The following CAMSAP2 variants were observed in gnomAD, a reference collection of about 807,000 sequenced individuals.
CAMSAP2 encodes calmodulin-regulated spectrin-associated protein 2.
In CAMSAP2, 26 loss-of-function variants were observed where a neutral mutation model predicts 146.1. That is an observed-to-expected ratio of 0.18 (90% CI 0.13 to 0.25). The LOEUF (loss-of-function observed/expected upper bound fraction) is 0.25. CAMSAP2 is among the 10% of genes least tolerant of loss of function. The pLI, the probability that CAMSAP2 is intolerant of heterozygous loss-of-function variation, is 1.00. For synonymous variants in CAMSAP2, 499 were observed against 596.6 expected (o/e 0.84, Z 2.38); for missense variants, 1,381 against 1,759.3 (o/e 0.78, Z 3.85).
In CAMSAP2 at chr1:200,849,417, C is replaced by A; in HGVS notation, c.2648C>A (p.Ser883Tyr). The change falls in exon 11 of 17, where the codon TCC becomes TAC. Residue 883 changes from serine (S) to tyrosine (Y), a missense_variant. This residue lies in a region of CAMSAP2 where 560 missense variants were observed against 715.9 expected (regional missense o/e 0.78). Coordinates refer to ENST00000358823, the MANE Select transcript of CAMSAP2 (RefSeq NM_203459.4). This position sits in a 1 kb window ranked among gnomAD's most constrained non-coding sequence, Gnocchi z 6.3. The part of the protein sequence containing the change: ...NEGEILEYTK[S>Y]IEKLNSSLHF... ...GGAGAGATTTTAGAATATACCAAAT[C>A]CATTGAAAAGTTAAATTCATCCCTG... 6.2e-7 allele frequency: 1 copy of A among 1,614,186 alleles called. No individual in the cohort carries two copies. Among genetic ancestry groups the A allele is most frequent in the Middle Eastern group, 1.6e-4 (1 of 6,062 alleles).
chr1:200,753,626 CAA>C (rs1238877788), intron 1 of CAMSAP2, among the ~76,000 whole-genome samples: 1 of 152,208 alleles, frequency 6.6e-6, no homozygotes, highest in African/African-American at 2.4e-5. Context: ...TGCCCTCAAA[CAA>C]GAGCTGATGG....
intron 6 of CAMSAP2, among the ~76,000 whole-genome samples, chr1:200,840,092 T>G (rs1163031380): frequency 1.3e-5 from 2 of 152,132 alleles, no homozygotes; most frequent in African/African-American, 4.8e-5. Flanking sequence ...GTGCATTATC[T>G]TCTGTAATAC....
At chr1:200,818,327 CATT>C (rs1386818984) in intron 4 of CAMSAP2, among the ~76,000 whole-genome samples, 1 of 152,066 alleles carries the variant, frequency 6.6e-6, no homozygotes, top group Non-Finnish European at 1.5e-5. Flanking sequence ...GGAATCTAGA[CATT>C]GTTGTATTAC....
chr1:200,764,587 T>C (rs1037863356), intron 2 of CAMSAP2, among the ~76,000 whole-genome samples: 1 of 152,242 alleles, frequency 6.6e-6, no homozygotes, highest in African/African-American at 2.4e-5. Flanking sequence ...ATAGAAATTA[T>C]CATTATCTGA....
At chr1:200,750,818 G>A (rs564958535) in intron 1 of CAMSAP2, among the ~76,000 whole-genome samples, 4 of 151,222 alleles carry the variant, frequency 2.6e-5, no homozygotes, top group South Asian at 2.1e-4. Context: ...GGTAGAGACC[G>A]GGTTTCATGA....
intron 8 of CAMSAP2, among the ~76,000 whole-genome samples, 200 bp downstream of exon 8, chr1:200,845,069 C>T (rs777488538): frequency 2.6e-5 from 4 of 152,106 alleles, no homozygotes; most frequent in Non-Finnish European, 4.4e-5. Flanking sequence ...ATGTACCACA[C>T]TGAAAAGATG....
rs1055575546 is a variant in CAMSAP2 at position 200,857,520 on chromosome 1, C to T, written c.4131+96C>T. On this transcript the variant is annotated intron_variant, in intron 16 of 16. Coordinates refer to ENST00000358823, the MANE Select transcript of CAMSAP2 (RefSeq NM_203459.4). The surrounding 1 kb of genome is among the most constrained non-coding windows in gnomAD (Gnocchi z 4.7). Reference sequence around the variant, plus strand: ...TCTCATGGGCCTAGACTTTCAACAGCATGTAAAAAGATCTGTAGCTAGATG... The same window carrying T: ...TCTCATGGGCCTAGACTTTCAACAGTATGTAAAAAGATCTGTAGCTAGATG... The T allele has an allele frequency of 2.3e-5, 20 of 887,656 alleles. No individual in the cohort carries two copies. The highest frequency in any genetic ancestry group is 3.6e-5 in the Non-Finnish European group (20 of 557,552). 55.0% of individuals were successfully genotyped at this position (887,656 alleles called of 1,614,324 possible).
In CAMSAP2 at chr1:200,836,813, G is replaced by A. The variant is rs141541222; in HGVS notation, c.927+3968G>A. ...CCGGTGTGAGATGGTATCTCATTGT[G>A]GTTTTGATTTGCATTTCTCTAATGA... On this transcript the variant is annotated intron_variant, in intron 6 of 16. Coordinates refer to ENST00000358823, the MANE Select transcript of CAMSAP2 (RefSeq NM_203459.4). Among the ~76,000 whole-genome samples the A allele has an allele frequency of 7.4e-3, 1,133 of 152,084 alleles. 12 individuals are homozygous for A. Among genetic ancestry groups the A allele is most frequent in the Middle Eastern group, 0.044 (13 of 294 alleles).
At position 200,739,327 on chromosome 1, in the gene CAMSAP2, C is replaced by T. The variant is rs1181743652; in HGVS notation, c.-501C>T. On this transcript the variant is annotated 5_prime_UTR_variant, in exon 1 of 17. Transcript: ENST00000358823. This position sits in a 1 kb window ranked among gnomAD's most constrained non-coding sequence, Gnocchi z 4.8. Reference sequence around the variant, plus strand: ...CGCCCACCCGGGGCCTGAGGGGTCTCCCCGCTCCGAGGGAAGGGGAGAGGG... The same window carrying T: ...CGCCCACCCGGGGCCTGAGGGGTCTTCCCGCTCCGAGGGAAGGGGAGAGGG... Among the ~76,000 whole-genome samples the T allele has an allele frequency of 6.6e-6, 1 of 152,166 alleles. No individual in the cohort carries two copies. The highest frequency in any genetic ancestry group is 1.5e-5 in the Non-Finnish European group (1 of 68,000).
intron 2 of CAMSAP2, among the ~76,000 whole-genome samples, chr1:200,775,445 T>C (rs1433558732): frequency 6.6e-6 from 1 of 152,186 alleles, no homozygotes; most frequent in African/African-American, 2.4e-5. Context: ...TGATCTGGTT[T>C]ATTTTTTTTT....
At chr1:200,785,609 C>T (rs534015547) in intron 2 of CAMSAP2, among the ~76,000 whole-genome samples, 4 of 152,228 alleles carry the variant, frequency 2.6e-5, no homozygotes, top group Admixed American at 6.5e-5. Context: ...AGGCCGGTCT[C>T]GAACTCGTGA....
At chr1:200,755,324 GA>G (rs1395455868) in intron 1 of CAMSAP2, among the ~76,000 whole-genome samples, 1 of 152,202 alleles carries the variant, frequency 6.6e-6, no homozygotes, top group Non-Finnish European at 1.5e-5. Flanking sequence ...ATATATATCT[GA>G]AGCATCATGT....
intron 3 of CAMSAP2, among the ~76,000 whole-genome samples, chr1:200,811,950 G>T (rs1012324033): frequency 2.6e-5 from 4 of 152,002 alleles, no homozygotes; most frequent in Admixed American, 6.6e-5. Context: ...TTCCTGGGCA[G>T]CTCAGCTCCC....
chr1:200,800,147 G>T (rs888926305), intron 2 of CAMSAP2, among the ~76,000 whole-genome samples: 7 of 152,202 alleles, frequency 4.6e-5, no homozygotes, highest in African/African-American at 1.7e-4. Flanking sequence ...GTATTCTGTT[G>T]ATTTGGGATG....
intron 4 of CAMSAP2, among the ~76,000 whole-genome samples, chr1:200,816,846 A>G (rs1321478539): frequency 3.3e-5 from 2 of 61,446 alleles, no homozygotes; most frequent in Non-Finnish European, 6.5e-5. Flanking sequence ...GTATGTGTGT[A>G]CACACACACG....
At chr1:200,799,364 G>C (rs899717320) in intron 2 of CAMSAP2, among the ~76,000 whole-genome samples, 1 of 151,976 alleles carries the variant, frequency 6.6e-6, no homozygotes, top group African/African-American at 2.4e-5. Context: ...TTATTGGTCT[G>C]TTCAGGGATT....
rs71281172 is a variant in CAMSAP2, at chr1:200,836,081, C to CTT, written c.927+3246_927+3247dup. ...ACCACAGCTTTGACTTCATTTGAAT[C>CTT]TTTTTTTTTTTAATTCAATCTTATT... On this transcript the variant is annotated intron_variant, in intron 6 of 16. Coordinates refer to ENST00000358823, the MANE Select transcript of CAMSAP2 (RefSeq NM_203459.4). Among the ~76,000 whole-genome samples, 141 of 134,936 alleles carry CTT rather than the reference C, an allele frequency of 1.0e-3. 1 individual carries two copies. The highest frequency in any genetic ancestry group is 3.9e-3 in the African/African-American group (138 of 35,254). The allele number at this position is 134,936 out of a possible 152,430, so 88.5% of individuals were successfully genotyped here. A position where few individuals can be genotyped will look rare whatever the true frequency, so the allele number is the denominator to read the frequency against.
In CAMSAP2 at chr1:200,852,674, C is replaced by G. The variant is rs1667651378; in HGVS notation, c.3599C>G (p.Thr1200Arg). 6.2e-7 allele frequency: 1 copy of G among 1,611,802 alleles called. No individual in the cohort carries two copies. Among genetic ancestry groups the G allele is most frequent in the Non-Finnish European group, 8.5e-7 (1 of 1,179,424 alleles). ...GAAATGGAGCATAAGAAGGAGGAAA[C>G]AAGGTAAAGGAAATTGCTGGCCCAG... ...EAEMEHKKEE[T>R]RRKTEEERQK... The change falls in exon 12 of 17, where the codon ACA becomes AGA. Residue 1200 changes from threonine to arginine, a missense_variant. This residue lies in a region of CAMSAP2 where 560 missense variants were observed against 715.9 expected (regional missense o/e 0.78). Transcript: ENST00000358823.
intron 1 of CAMSAP2, among the ~76,000 whole-genome samples, chr1:200,752,150 G>A (rs1664524211): frequency 6.6e-6 from 1 of 151,882 alleles, no homozygotes; most frequent in South Asian, 2.1e-4. Flanking sequence ...ACCGTTGGGG[G>A]AAAAAAAGCA....
Sources: allele counts gnomAD v4.1 joint callset (sites outside exome capture counted in the v4.1 genomes callset), GRCh38; gene constraint gnomAD v4.1.1; regional missense constraint gnomAD v4.1.1; non-coding constraint Gnocchi (gnomAD v3.1); transcripts MANE v1.5; gene names NCBI Gene and HGNC (gene_info 2026-07-23, HGNC 2026-07-21).